SEPTIN7: variants seen among roughly 807,000 people sequenced by gnomAD.
The protein encoded by SEPTIN7 is septin 7, also known as septin-7.
SEPTIN7 carries 10 observed loss-of-function variants against 63.3 expected under a neutral mutation model. The observed-to-expected ratio is 0.16, with a 90% CI of 0.10 to 0.27. The LOEUF (loss-of-function observed/expected upper bound fraction) is 0.27, where lower values mean the gene tolerates loss of function less well. SEPTIN7 is among the 10% of genes least tolerant of loss of function. The probability of loss-of-function intolerance (pLI) is 1.00; values close to 1 mark genes in which losing one functional copy is unlikely to be tolerated. For missense variants in SEPTIN7, 310 were observed against 521.0 expected (o/e 0.59, Z 3.94); for synonymous variants, 131 against 165.3 (o/e 0.79, Z 1.59).
At chr7:35,867,494 C>T (rs372015896) in intron 4 of SEPTIN7, among the ~76,000 whole-genome samples, 15 of 152,276 alleles carry the variant, frequency 9.9e-5, no homozygotes, top group East Asian at 9.6e-4. Flanking sequence ...GGATTATAGG[C>T]GTGTGCCACC....
At chr7:35,915,058 TAC>T in the SEPTIN7 span, among the ~76,000 whole-genome samples, 11 of 151,884 alleles carry the variant, frequency 7.2e-5, no homozygotes, top group African/African-American at 2.7e-4. Context: ...TATGTATATA[TAC>T]ACAGATGCAT....
chr7:35,859,110 A>T (rs903736054), intron 3 of SEPTIN7, among the ~76,000 whole-genome samples: 1 of 151,750 alleles, frequency 6.6e-6, no homozygotes, highest in South Asian at 2.1e-4. Context: ...TTGTTTTTTT[A>T]AAATCTTCAT....
At chr7:35,876,382 A>G (rs562728793) in intron 6 of SEPTIN7, among the ~76,000 whole-genome samples, 1 of 152,342 alleles carries the variant, frequency 6.6e-6, no homozygotes, top group Admixed American at 6.5e-5. Context: ...TATCTGACAT[A>G]ACAGCTTAAT....
chr7:35,818,223 A>G (rs1789200595), intron 1 of SEPTIN7, among the ~76,000 whole-genome samples: 1 of 152,024 alleles, frequency 6.6e-6, no homozygotes, highest in African/African-American at 2.4e-5. Flanking sequence ...TTCTGTGTCT[A>G]CTGAGATGAT....
At chr7:35,880,243 T>TTTTTTTTTTTTTTTTTTTTTTTTTG (rs1786790254) in intron 7 of SEPTIN7, among the ~76,000 whole-genome samples, 1 of 127,978 alleles carries the variant, frequency 7.8e-6, no homozygotes, top group East Asian at 2.3e-4. Flanking sequence ...TTTTTTTTTT[T>TTTTTTTTTTTTTTTTTTTTTTTTTG]GAATTATTTT....
rs779175492 is a variant in SEPTIN7, at chr7:35,832,887, G to A, written c.156G>A (p.Thr52=). The part of the protein sequence containing the change: ...RKSVKRGFEF[T]LMVVGESGLG... ...CGGTGAAGAGAGGTTTTGAATTCAC[G>A]CTTATGGTAGTGGGTAAGATATGAT... The change falls in exon 3 of 14, where the codon ACG becomes ACA. Residue 52 remains threonine (T), a synonymous_variant. Coordinates refer to ENST00000350320, the MANE Select transcript of SEPTIN7 (RefSeq NM_001788.6). The A allele has an allele frequency of 1.6e-5, 26 of 1,585,402 alleles. No individual in the cohort carries two copies. The highest frequency in any genetic ancestry group is 1.1e-4 in the East Asian group (5 of 44,680).
intron 3 of SEPTIN7, among the ~76,000 whole-genome samples, chr7:35,853,198 G>A (rs189352036): frequency 8.2e-4 from 125 of 152,284 alleles, no homozygotes; most frequent in Non-Finnish European, 1.1e-3. Flanking sequence ...TTGGGAGGCC[G>A]AGGTGGGAAG....
Position 35,867,215 on chromosome 7 carries a change from C to G in SEPTIN7, c.276+3557C>G, listed in dbSNP as rs952389416. On this transcript the variant is annotated intron_variant, in intron 4 of 13. Transcript: ENST00000350320. ...AAGTGAAAAAAATTGAACATTTGAGCTCTACTTCATGTTTCAGTATCAAAT... is the reference window on the plus strand; with the variant it reads ...AAGTGAAAAAAATTGAACATTTGAGGTCTACTTCATGTTTCAGTATCAAAT... Among the ~76,000 whole-genome samples, 14 of 152,174 alleles carry G rather than the reference C, an allele frequency of 9.2e-5. No individual in the cohort carries two copies. In the South Asian group the frequency reaches 2.5e-3, roughly 27 times the overall value.
At chr7:35,847,083 C>T in intron 3 of SEPTIN7, 1 of 182,412 alleles carries the variant, frequency 5.5e-6, no homozygotes, top group East Asian at 1.5e-4. Flanking sequence ...AGAGCAGTGT[C>T]TCTGCACACT....
intron 3 of SEPTIN7, among the ~76,000 whole-genome samples, chr7:35,845,847 G>C (rs1195387113): frequency 2.0e-5 from 3 of 152,142 alleles, no homozygotes; most frequent in Admixed American, 1.3e-4. Flanking sequence ...TTTAAAAAAA[G>C]TTTTACTTTG....
intron 3 of SEPTIN7, among the ~76,000 whole-genome samples, chr7:35,836,351 C>T (rs1784084059): frequency 6.6e-6 from 1 of 152,112 alleles, no homozygotes; most frequent in African/African-American, 2.4e-5. Context: ...CTTTATTTAA[C>T]TTGAAATAGT....
chr7:35,818,705 T>G (rs1234242346), intron 1 of SEPTIN7, among the ~76,000 whole-genome samples: 2 of 152,056 alleles, frequency 1.3e-5, no homozygotes, highest in African/African-American at 4.8e-5. Context: ...GTAGTTTATG[T>G]CTTTCTAGGA....
At chr7:35,888,868 C>G (rs1454629397) in intron 10 of SEPTIN7, 1 of 195,810 alleles carries the variant, frequency 5.1e-6, no homozygotes, top group African/African-American at 3.1e-5. Context: ...ATTAAATAAA[C>G]ATTGTTTTAT....
intron 11 of SEPTIN7, among the ~76,000 whole-genome samples, chr7:35,895,550 A>G (rs1448637703): frequency 6.6e-6 from 1 of 152,170 alleles, no homozygotes; most frequent in Non-Finnish European, 1.5e-5. Flanking sequence ...TGCACAGCAT[A>G]TTTATTTTTA....
chr7:35,857,858 T>G (rs1785284341), intron 3 of SEPTIN7, among the ~76,000 whole-genome samples: 1 of 152,160 alleles, frequency 6.6e-6, no homozygotes, highest in Admixed American at 6.5e-5. Flanking sequence ...TTCATCACTG[T>G]TTCCAAAAAG....
chr7:35,856,164 T>TA (rs1346792222), intron 3 of SEPTIN7, among the ~76,000 whole-genome samples: 2 of 152,344 alleles, frequency 1.3e-5, no homozygotes, highest in East Asian at 3.9e-4. Context: ...ACTAATTTGA[T>TA]ATGTAAGAAA....
chr7:35,805,610 G>A (rs1788280687), intron 1 of SEPTIN7, among the ~76,000 whole-genome samples: 1 of 152,106 alleles, frequency 6.6e-6, no homozygotes, highest in Non-Finnish European at 1.5e-5. Flanking sequence ...TTATGTTTTA[G>A]GCCAGTGTTA....
At chr7:35,899,876 C>T (rs1178795476) in intron 12 of SEPTIN7, 1 of 152,036 alleles carries the variant, frequency 6.6e-6, no homozygotes, top group African/African-American at 2.4e-5. Flanking sequence ...AGAGCTAGAC[C>T]TTGTCTCAAA....
At chr7:35,827,056 A>G (rs748827004) in intron 1 of SEPTIN7, among the ~76,000 whole-genome samples, 13 of 152,174 alleles carry the variant, frequency 8.5e-5, no homozygotes, top group Non-Finnish European at 1.6e-4. Context: ...TTTTCCATCA[A>G]ACAGTGGAGT....
Sources: allele counts gnomAD v4.1 joint callset (sites outside exome capture counted in the v4.1 genomes callset), GRCh38; gene constraint gnomAD v4.1.1; transcripts MANE v1.5; gene names NCBI Gene and HGNC (gene_info 2026-07-23, HGNC 2026-07-21).